SLC2A6: variants seen among roughly 807,000 people sequenced by gnomAD.
SLC2A6 encodes the protein solute carrier family 2 member 6.
Under a neutral mutation model 47.8 loss-of-function variants are expected in SLC2A6, and 39 were observed. The ratio of observed to expected loss-of-function variants is 0.82; its 90% CI spans 0.63 to 1.07. The LOEUF (loss-of-function observed/expected upper bound fraction) is 1.07, where lower values mean the gene tolerates loss of function less well. SLC2A6 is among the 50% of genes least tolerant of loss of function. SLC2A6 has a pLI of 0.00. For synonymous variants in SLC2A6, 346 were observed against 324.1 expected (o/e 1.07, Z -0.73); for missense variants, 650 against 707.6 (o/e 0.92, Z 0.92).
intron 2 of SLC2A6, among the ~76,000 whole-genome samples, chr9:133,477,922 C>T (rs1461086985): frequency 6.6e-6 from 1 of 152,224 alleles, no homozygotes; most frequent in African/African-American, 2.4e-5. Flanking sequence ...CCAGCCAGTG[C>T]CTCTCCCCAC....
intron 5 of SLC2A6, 94 bp from the exon 6 acceptor site, chr9:133,475,207 CT>C: frequency 7.0e-7 from 1 of 1,421,254 alleles, no homozygotes; most frequent in Non-Finnish European, 9.2e-7. Context: ...GGGAGACCTC[CT>C]TTTTCCCTCC....
chr9:133,476,214 C>T, intron 4 of SLC2A6, 23 bp downstream of exon 4: 2 of 1,588,756 alleles, frequency 1.3e-6, no homozygotes, highest in Non-Finnish European at 1.7e-6. Context: ...AGCCTGCACA[C>T]AGGAGTGCGG....
rs782473408 is a variant in SLC2A6, at chr9:133,473,963, G to T, written c.1036+17C>A. The T allele has an allele frequency of 6.3e-7, 1 of 1,577,326 alleles. No homozygotes were observed. The highest frequency in any genetic ancestry group is 1.1e-5 in the South Asian group (1 of 87,470). On this transcript the variant is annotated intron_variant, in intron 7 of 9. Coordinates refer to ENST00000371899, the MANE Select transcript of SLC2A6 (RefSeq NM_017585.4). ...TGCGGAGGAGTGGGGCAGGAGGGCT[G>T]CCTGCAGGGTGCTTACCTGAGACGA... is the stretch of plus-strand genomic sequence containing the variant.
At chr9:133,477,436 C>G (rs1844001158) in intron 2 of SLC2A6, among the ~76,000 whole-genome samples, 195 bp from the exon 3 acceptor site, 1 of 152,262 alleles carries the variant, frequency 6.6e-6, no homozygotes, top group Non-Finnish European at 1.5e-5. Context: ...ACGGGGAATT[C>G]TGCTCTAAGG....
chr9:133,473,551 A>G lies in SLC2A6; in HGVS notation c.1086T>C (p.Phe362=). 1 of 1,577,144 alleles carries G rather than the reference A, an allele frequency of 6.3e-7. No homozygotes were observed. ...TGTTGGGGCTCAGAGGCCTGGGGCCAAAGTGGATGTACAGCCCCAGAGTCA... is the reference window on the plus strand; with the variant it reads ...TGTTGGGGCTCAGAGGCCTGGGGCCGAAGTGGATGTACAGCCCCAGAGTCA... ...ANLTLGLYIH[F]GPRPLSPNST... The change falls in exon 8 of 10, where the codon TTT becomes TTC. Residue 362 remains phenylalanine (F), a synonymous_variant. Coordinates refer to ENST00000371899, the MANE Select transcript of SLC2A6 (RefSeq NM_017585.4).
Position 133,475,520 on chromosome 9 carries a change from C to G in SLC2A6, c.654G>C (p.Pro218=). 6.2e-7 allele frequency: 1 copy of G among 1,611,104 alleles called. No homozygotes were observed. The highest frequency in any genetic ancestry group is 8.5e-7 in the Non-Finnish European group (1 of 1,179,832). ...CCCTGCCCCGAGAGAGCAGGAAGCG[C>G]GGCGAGTTGGGCATGAAGCTGAGCA... ...ILLLSFMPNS[P]RFLLSRGRDE... The change falls in exon 5 of 10, where the codon CCG becomes CCC. Residue 218 remains proline, a synonymous_variant. Coordinates refer to ENST00000371899, the MANE Select transcript of SLC2A6 (RefSeq NM_017585.4).
Position 133,475,520 on chromosome 9 carries a change from C to CGGCGAGTTG in SLC2A6, c.645_653dup (p.Asn216_Pro218dup). On this transcript the variant is annotated inframe_insertion, in exon 5 of 10. Coordinates refer to ENST00000371899, the MANE Select transcript of SLC2A6 (RefSeq NM_017585.4). ...CCCTGCCCCGAGAGAGCAGGAAGCG[C>CGGCGAGTTG]GGCGAGTTGGGCATGAAGCTGAGCA... The CGGCGAGTTG allele has an allele frequency of 6.2e-7, 1 of 1,611,104 alleles. No individual in the cohort carries two copies. Among genetic ancestry groups the CGGCGAGTTG allele is most frequent in the African/African-American group, 1.3e-5 (1 of 75,032 alleles).
chr9:133,475,025 A>G lies in SLC2A6; in HGVS notation c.863T>C (p.Leu288Pro). The change falls in exon 6 of 10, where the codon CTG becomes CCG. Residue 288 changes from leucine (L) to proline (P), a missense_variant. Coordinates refer to ENST00000371899, the MANE Select transcript of SLC2A6 (RefSeq NM_017585.4). ...GACCAGGATGGGCGTGATGCCCGTC[A>G]GCTGCTGCAGGAGGCGCATCAGCAA... ...VALLMRLLQQLTGITPILVYL... is the reference protein window; with the variant it reads ...VALLMRLLQQPTGITPILVYL... 6.3e-7 allele frequency: 1 copy of G among 1,597,014 alleles called. No homozygotes were observed. The highest frequency in any genetic ancestry group is 8.5e-7 in the Non-Finnish European group (1 of 1,173,384).
At chr9:133,475,247 C>T (rs587756718) in intron 5 of SLC2A6, 134 bp from the exon 6 acceptor site, 33 of 1,379,376 alleles carry the variant, frequency 2.4e-5, no homozygotes, top group Non-Finnish European at 3.8e-6. Context: ...TACCAGGCCA[C>T]CCAGGCTCTG....
chr9:133,477,132 C>T lies in SLC2A6; in HGVS notation c.365G>A (p.Gly122Asp). ...IMFSAVPSAA[G>D]YALMAGAHGL... ...GTGCGCACCCGCCATGAGCGCATAG[C>T]CGGCCGCCGACGGCACAGCTGAGAA... The change falls in exon 3 of 10, where the codon GGC becomes GAC. Residue 122 changes from glycine (G) to aspartate (D), a missense_variant. By Grantham distance (94) the Gly-to-Asp change is moderately conservative. Transcript: ENST00000371899. 6.5e-7 allele frequency: 1 copy of T among 1,549,454 alleles called. No individual in the cohort carries two copies. The highest frequency in any genetic ancestry group is 8.7e-7 in the Non-Finnish European group (1 of 1,146,496).
Position 133,474,082 on chromosome 9 carries a change from TGG to T in SLC2A6, c.932_933del (p.Pro311GlnfsTer112). On this transcript the variant is annotated frameshift_variant, in exon 7 of 10. Coordinates refer to ENST00000371899, the MANE Select transcript of SLC2A6 (RefSeq NM_017585.4). LOFTEE classifies it high-confidence loss of function. ...GCCCCAACGATGGCTGCGTCGTCCT[TGG>T]GGGGCTATCGGGGGGAGACCACCAG... ...IFDSTAVLLP[P>X]KDDAAIVGAV... 1 of 1,602,128 alleles carries T rather than the reference TGG, an allele frequency of 6.2e-7. No homozygotes were observed.
Position 133,474,096 on chromosome 9 carries a change from G to T in SLC2A6, c.928-8C>A. 4 of 1,590,726 alleles carry T rather than the reference G, an allele frequency of 2.5e-6. No individual in the cohort carries two copies. The highest frequency in any genetic ancestry group is 3.4e-6 in the Non-Finnish European group (4 of 1,170,348). ...TGCGTCGTCCTTGGGGGGCTATCGGGGGGAGACCACCAGGGCTGAGGGACC... is the reference window on the plus strand; with the variant it reads ...TGCGTCGTCCTTGGGGGGCTATCGGTGGGAGACCACCAGGGCTGAGGGACC... On this transcript the variant is annotated splice_region_variant and splice_polypyrimidine_tract_variant and intron_variant, in intron 6 of 9. Coordinates refer to ENST00000371899, the MANE Select transcript of SLC2A6 (RefSeq NM_017585.4).
At chr9:133,478,791 C>T (rs1554804057) in intron 1 of SLC2A6, 177 bp downstream of exon 1, 11 of 614,798 alleles carry the variant, frequency 1.8e-5, no homozygotes, top group Non-Finnish European at 3.1e-5. Flanking sequence ...ATCGTTCCTT[C>T]CCTTAGGGGG....
chr9:133,471,939 C>G lies in SLC2A6; in HGVS notation c.*82G>C. On this transcript the variant is annotated 3_prime_UTR_variant, in exon 10 of 10. Coordinates refer to ENST00000371899, the MANE Select transcript of SLC2A6 (RefSeq NM_017585.4). ...CTGGTGGCAGGGATGACTGCTGCCTCTTGGTCCCAGGGTGCAGGTTTGTAG... is the reference window on the plus strand; with the variant it reads ...CTGGTGGCAGGGATGACTGCTGCCTGTTGGTCCCAGGGTGCAGGTTTGTAG... 6.7e-7 allele frequency: 1 copy of G among 1,497,970 alleles called. No individual in the cohort carries two copies. The highest frequency in any genetic ancestry group is 9.0e-7 in the Non-Finnish European group (1 of 1,105,648). 92.8% of individuals were successfully genotyped at this position (1,497,970 alleles called of 1,614,324 possible). A position where few individuals can be genotyped will look rare whatever the true frequency, so the allele number is the denominator to read the frequency against.
chr9:133,476,337 C>A lies in SLC2A6; in HGVS notation c.463-1G>T. The A allele has an allele frequency of 6.2e-7, 1 of 1,612,234 alleles. No individual in the cohort carries two copies. The highest frequency in any genetic ancestry group is 8.5e-7 in the Non-Finnish European group (1 of 1,179,384). The stretch of plus-strand genomic sequence containing the variant: ...GGGGAGCAATCTCAGACACGTACAC[C>A]TGCAAGACACAGCCGCCGCACCAGG... On this transcript the variant is annotated splice_acceptor_variant, in intron 3 of 9. Coordinates refer to ENST00000371899, the MANE Select transcript of SLC2A6 (RefSeq NM_017585.4). LOFTEE classifies it high-confidence loss of function.
At chr9:133,477,378 AG>A in intron 2 of SLC2A6, 137 bp from the exon 3 acceptor site, 1 of 778,016 alleles carries the variant, frequency 1.3e-6, no homozygotes, top group Non-Finnish European at 2.1e-6. Context: ...CACTTGAAAC[AG>A]GGAGCCTCCT....
chr9:133,472,104 A>G lies in SLC2A6; in HGVS notation c.1441T>C (p.Cys481Arg). ...ICLVSLVFTG[C>R]CVPETKGRSL... ...CGTCCCTTGGTCTCGGGCACACAGCAGCCTGTGAACACCAGGCTCACCAAG... is the reference window on the plus strand; with the variant it reads ...CGTCCCTTGGTCTCGGGCACACAGCGGCCTGTGAACACCAGGCTCACCAAG... Residue 481 changes from cysteine (C) to arginine (R), a missense_variant, in exon 10 of 10, where the codon TGC becomes CGC. Transcript: ENST00000371899. 6.2e-7 allele frequency: 1 copy of G among 1,613,482 alleles called. No homozygotes were observed. Among genetic ancestry groups the G allele is most frequent in the Non-Finnish European group, 8.5e-7 (1 of 1,179,926 alleles).
chr9:133,475,269 C>A, intron 5 of SLC2A6, 131 bp downstream of exon 5: 1 of 1,359,432 alleles, frequency 7.4e-7, no homozygotes, highest in South Asian at 1.5e-5. Context: ...GAACAGCCCC[C>A]CACCCCAACC....
At chr9:133,473,016 G>T in intron 9 of SLC2A6, 89 bp downstream of exon 9, 1 of 1,393,248 alleles carries the variant, frequency 7.2e-7, no homozygotes, top group Non-Finnish European at 9.7e-7. Context: ...GGTCCTGACA[G>T]CAGGCCTTGG....
Sources: allele counts gnomAD v4.1 joint callset (sites outside exome capture counted in the v4.1 genomes callset), GRCh38; gene constraint gnomAD v4.1.1; transcripts MANE v1.5; gene names NCBI Gene and HGNC (gene_info 2026-07-23, HGNC 2026-07-21).